Variants in ARHGEF10 observed in about 807,000 individuals in gnomAD.
The protein encoded by ARHGEF10 is Rho guanine nucleotide exchange factor 10, also known as Rho guanine nucleotide exchange factor (GEF) 10.
Under a neutral mutation model 147.4 loss-of-function variants are expected in ARHGEF10, and 140 were observed. The ratio of observed to expected loss-of-function variants is 0.95; its 90% CI spans 0.83 to 1.09. ARHGEF10 has a LOEUF of 1.09. Among genes scored for constraint, ARHGEF10 ranks in the 50% least tolerant of loss-of-function variants. The probability of loss-of-function intolerance (pLI) is 0.00; values close to 1 mark genes in which losing one functional copy is unlikely to be tolerated. For synonymous variants in ARHGEF10, 902 were observed against 695.8 expected (o/e 1.30, Z -4.67); for missense variants, 2,222 against 1,752.7 (o/e 1.27, Z -4.78).
chr8:1,917,427 AC>A (rs1471396843), intron 18 of ARHGEF10, among the ~76,000 whole-genome samples: 1 of 152,076 alleles, frequency 6.6e-6, no homozygotes, highest in Admixed American at 6.5e-5. Flanking sequence ...TGCCCCTTGA[AC>A]CCAGGCATGG....
At chr8:1,823,684 G>T (rs1802543602), upstream of ARHGEF10, among the ~76,000 whole-genome samples, 1 of 151,934 alleles carries the variant, frequency 6.6e-6, no homozygotes, top group African/African-American at 2.4e-5. Context: ...CGGGGTCCGC[G>T]GGGCAGGAGA....
At chr8:1,944,803 C>T (rs1484311769) in intron 26 of ARHGEF10, among the ~76,000 whole-genome samples, 2 of 152,214 alleles carry the variant, frequency 1.3e-5, no homozygotes, top group African/African-American at 4.8e-5. Flanking sequence ...GGGCAGTCCT[C>T]CTGGGACTGA....
At chr8:1,890,613 G>T (rs753893194) in intron 11 of ARHGEF10, among the ~76,000 whole-genome samples, 1 of 151,218 alleles carries the variant, frequency 6.6e-6, no homozygotes, top group Admixed American at 6.6e-5. Context: ...TTTGGCGAAG[G>T]TTATGAAGAG....
intron 26 of ARHGEF10, chr8:1,943,857 G>C (rs939900728): frequency 1.2e-5 from 1 of 84,062 alleles, no homozygotes; most frequent in Non-Finnish European, 2.3e-5. Context: ...GAAACTACGG[G>C]CATATGGCGA....
chr8:1,867,006 G>T (rs1042074271), intron 6 of ARHGEF10, among the ~76,000 whole-genome samples: 3 of 151,066 alleles, frequency 2.0e-5, no homozygotes, highest in Non-Finnish European at 4.4e-5. Context: ...GAGGGGGCGG[G>T]TGGGCCTCCC....
intron 25 of ARHGEF10, among the ~76,000 whole-genome samples, chr8:1,930,060 T>A (rs1225419379): frequency 2.0e-5 from 3 of 152,124 alleles, no homozygotes; most frequent in Non-Finnish European, 4.4e-5. Context: ...CGCCGCTGCT[T>A]GTGGGAGCTC....
intron 22 of ARHGEF10, among the ~76,000 whole-genome samples, chr8:1,925,707 T>C (rs1459472824): frequency 6.6e-6 from 1 of 152,176 alleles, no homozygotes; most frequent in Non-Finnish European, 1.5e-5. Flanking sequence ...CATTTGTAGC[T>C]CTGTTTTGCC....
Position 1,884,261 on chromosome 8 carries a change from T to G in ARHGEF10, c.1076-1340T>G, listed in dbSNP as rs933337132. Among the ~76,000 whole-genome samples the G allele has an allele frequency of 6.8e-4, 103 of 151,920 alleles. 2 individuals carry two copies. The highest frequency in any genetic ancestry group is 2.4e-4 in the Non-Finnish European group (16 of 67,976). ...ACAAAAAAAAATTAGCTGGGCGTGG[T>G]GGCGGGTGCCTGTAGTCCCAGCTAC... On this transcript the variant is annotated intron_variant, in intron 10 of 28. Transcript: ENST00000349830.
At position 1,858,118 on chromosome 8, in the gene ARHGEF10, G is replaced by C; in HGVS notation, c.193+3G>C. On this transcript the variant is annotated splice_donor_region_variant and intron_variant, in intron 3 of 28. Transcript: ENST00000349830. ...CAGTGAAGCCCCTGCACCCACAGGT[G>C]AGTTTCCAGGAGGGTCCCCAGGTGA... 6.2e-7 allele frequency: 1 copy of C among 1,613,134 alleles called. No individual in the cohort carries two copies. Among genetic ancestry groups the C allele is most frequent in the Admixed American group, 1.7e-5 (1 of 59,912 alleles).
intron 17 of ARHGEF10, among the ~76,000 whole-genome samples, chr8:1,906,751 C>G (rs17064354): frequency 2.0e-5 from 3 of 152,154 alleles, no homozygotes; most frequent in South Asian, 2.1e-4. Context: ...GCCAGTGGTA[C>G]GCTCTTGCGG....
chr8:1,919,361 A>T (rs1812029849), intron 18 of ARHGEF10, among the ~76,000 whole-genome samples: 2 of 117,918 alleles, frequency 1.7e-5, no homozygotes, highest in Non-Finnish European at 3.4e-5. Context: ...TGTTCTGTCA[A>T]GTGATGAAGC....
Position 1,877,709 on chromosome 8 carries a change from G to A in ARHGEF10, c.843+975G>A, listed in dbSNP as rs114001544. Among the ~76,000 whole-genome samples, 849 of 136,390 alleles carry A rather than the reference G, an allele frequency of 6.2e-3. 6 individuals carry two copies. The highest frequency in any genetic ancestry group is 0.021 in the African/African-American group (777 of 36,178). 89.5% of individuals were successfully genotyped at this position (136,390 alleles called of 152,430 possible). On this transcript the variant is annotated intron_variant, in intron 8 of 28. Coordinates refer to ENST00000349830, the MANE Select transcript of ARHGEF10 (RefSeq NM_014629.4). Reference sequence around the variant, plus strand: ...TCCCAGGTCTCGGTGGTGCCAGGCCGTGCCACCGGTGTTTTGTTAGAGTTT... The same window carrying A: ...TCCCAGGTCTCGGTGGTGCCAGGCCATGCCACCGGTGTTTTGTTAGAGTTT...
intron 28 of ARHGEF10, among the ~76,000 whole-genome samples, chr8:1,955,113 TCCC>T (rs1815398622): frequency 3.3e-5 from 2 of 60,840 alleles, no homozygotes; most frequent in Non-Finnish European, 3.5e-5. Flanking sequence ...AGCCAGGTGC[TCCC>T]TGAAAGGAGG....
chr8:1,834,822 G>A (rs1336174696), intron 1 of ARHGEF10, among the ~76,000 whole-genome samples: 3 of 152,194 alleles, frequency 2.0e-5, no homozygotes, highest in Non-Finnish European at 2.9e-5. Flanking sequence ...GCAGAATGCC[G>A]GGGCCACAGG....
chr8:1,860,467 C>T (rs1055122093), intron 4 of ARHGEF10, among the ~76,000 whole-genome samples: 3 of 151,702 alleles, frequency 2.0e-5, no homozygotes, highest in African/African-American at 7.3e-5. Flanking sequence ...CCTCCTCCTC[C>T]TCTCCATGCC....
chr8:1,926,761 T>C (rs144488328), intron 23 of ARHGEF10: 31 of 425,762 alleles, frequency 7.3e-5, no homozygotes, highest in Non-Finnish European at 1.3e-4. Flanking sequence ...TGTTTTTCCA[T>C]TTTGGTGTCA....
intron 1 of ARHGEF10, among the ~76,000 whole-genome samples, chr8:1,834,586 C>T (rs539842271): frequency 5.9e-5 from 9 of 152,172 alleles, no homozygotes; most frequent in Non-Finnish European, 1.2e-4. Flanking sequence ...TCCTTCCCTC[C>T]CTCTGTCCGT....
intron 18 of ARHGEF10, 34 bp from the exon 19 acceptor site, chr8:1,922,930 G>C (rs756119666): frequency 2.7e-6 from 4 of 1,465,198 alleles, no homozygotes; most frequent in Non-Finnish European, 3.8e-6. Context: ...CTTTACCTTT[G>C]TATTCTTTTT....
chr8:1,934,001 T>A (rs1413708671), intron 26 of ARHGEF10, 59 bp downstream of exon 26: 18 of 1,609,972 alleles, frequency 1.1e-5, no homozygotes, highest in Admixed American at 1.7e-5. Flanking sequence ...ACAGCTCAGC[T>A]GACTTCTGGT....
Sources: gnomAD v4.1 joint callset for allele counts (sites outside exome capture counted in the v4.1 genomes callset) on GRCh38, gnomAD v4.1.1 for gene constraint, MANE v1.5 for transcripts, NCBI Gene and HGNC (gene_info 2026-07-23, HGNC 2026-07-21) for gene names.